Variants in C12orf56 observed in about 807,000 individuals in gnomAD.
C12orf56 encodes the protein uncharacterized protein C12orf56.
A neutral mutation model predicts 69.9 loss-of-function variants in C12orf56; 71 were observed. The observed-to-expected ratio is 1.02, with a 90% CI of 0.84 to 1.24. C12orf56 has a LOEUF of 1.24. Ranked by LOEUF, C12orf56 falls within the 50% of genes most tolerant of loss-of-function variation. C12orf56 has a pLI of 0.00. For missense variants in C12orf56, 732 were observed against 738.5 expected (o/e 0.99, Z 0.10); for synonymous variants, 276 against 274.1 (o/e 1.01, Z -0.07).
At position 64,387,526 on chromosome 12, in the gene C12orf56, CAA is replaced by C. The variant is rs2039810641; in HGVS notation, c.252+2786_252+2787del. ...TTCTCACAGGTAAAAAAAAACAAAA[CAA>C]AAAAACAAGCCAGGCACAGTGGCTC... On this transcript the variant is annotated intron_variant, in intron 1 of 12. Coordinates refer to ENST00000543942, the MANE Select transcript of C12orf56 (RefSeq NM_001170633.2). Among the ~76,000 whole-genome samples the C allele has an allele frequency of 1.1e-4, 17 of 151,988 alleles. 1 individual carries two copies. The South Asian group carries it at 3.5e-3, about 32-fold the overall frequency.
At chr12:64,275,078 C>A in intron 10 of C12orf56, 103 bp from the exon 11 acceptor site, 1 of 1,152,362 alleles carries the variant, frequency 8.7e-7, no homozygotes. Flanking sequence ...TAATCGAATC[C>A]TTAAAATCAG....
At chr12:64,372,568 G>T (rs990568766) in intron 1 of C12orf56, among the ~76,000 whole-genome samples, 2 of 152,176 alleles carry the variant, frequency 1.3e-5, no homozygotes, top group Non-Finnish European at 2.9e-5. Context: ...AGGCTGGAGT[G>T]CAATGGCACG....
intron 4 of C12orf56, among the ~76,000 whole-genome samples, chr12:64,314,740 T>C (rs1352124294): frequency 6.6e-6 from 1 of 151,758 alleles, no homozygotes; most frequent in Non-Finnish European, 1.5e-5. Context: ...GTTCAAGCGA[T>C]TCTCCTGCCT....
At chr12:64,305,917 T>A (rs2038505924) in intron 5 of C12orf56, among the ~76,000 whole-genome samples, 1 of 152,220 alleles carries the variant, frequency 6.6e-6, no homozygotes. Context: ...AAAGCTCAGA[T>A]AAGATACAAT....
At chr12:64,362,245 T>C (rs1439074325) in intron 1 of C12orf56, among the ~76,000 whole-genome samples, 1 of 152,090 alleles carries the variant, frequency 6.6e-6, no homozygotes, top group Non-Finnish European at 1.5e-5. Flanking sequence ...TCATAAATTA[T>C]AGTATTTTGT....
At chr12:64,368,358 A>G (rs937856995) in intron 1 of C12orf56, among the ~76,000 whole-genome samples, 5 of 151,936 alleles carry the variant, frequency 3.3e-5, no homozygotes, top group Admixed American at 2.6e-4. Flanking sequence ...TACTGCATTG[A>G]CCCATTCTGC....
At chr12:64,287,220 G>C (rs552571033) in intron 6 of C12orf56, among the ~76,000 whole-genome samples, 2 of 135,354 alleles carry the variant, frequency 1.5e-5, no homozygotes, top group African/African-American at 2.9e-5. Context: ...CTCCAGACTG[G>C]GCAAGAGTGA....
chr12:64,322,763 C>T (rs577425934), intron 3 of C12orf56, among the ~76,000 whole-genome samples: 1 of 152,324 alleles, frequency 6.6e-6, no homozygotes, highest in South Asian at 2.1e-4. Flanking sequence ...TAGTCCTCTA[C>T]TTAGTGTTTT....
At chr12:64,320,157 A>T (rs2038752692) in intron 3 of C12orf56, among the ~76,000 whole-genome samples, 1 of 152,232 alleles carries the variant, frequency 6.6e-6, no homozygotes, top group Admixed American at 6.5e-5. Context: ...TTACTGGGTT[A>T]CGCGGTTCTC....
intron 5 of C12orf56, among the ~76,000 whole-genome samples, chr12:64,310,019 TAA>T (rs2038584748): frequency 1.7e-4 from 25 of 149,442 alleles, no homozygotes; most frequent in Middle Eastern, 3.4e-3. Flanking sequence ...CTTTTTTTTT[TAA>T]ATCTCTTTTT....
intron 12 of C12orf56, among the ~76,000 whole-genome samples, chr12:64,267,855 C>T (rs1353246812): frequency 1.3e-5 from 2 of 152,108 alleles, no homozygotes; most frequent in African/African-American, 4.8e-5. Context: ...AGAATTTCTA[C>T]GTGTGACACC....
chr12:64,387,173 G>C (rs1334656662), intron 1 of C12orf56, among the ~76,000 whole-genome samples: 1 of 139,316 alleles, frequency 7.2e-6, no homozygotes, highest in Non-Finnish European at 1.5e-5. Flanking sequence ...AAGGACAAAT[G>C]ATTAGCAACT....
At chr12:64,366,908 T>A (rs1220342187) in intron 1 of C12orf56, among the ~76,000 whole-genome samples, 66 of 125,536 alleles carry the variant, frequency 5.3e-4, no homozygotes, top group East Asian at 1.6e-3. Context: ...GTTTATATAT[T>A]ATATATAACA....
intron 1 of C12orf56, among the ~76,000 whole-genome samples, chr12:64,368,688 G>A (rs1312155063): frequency 1.3e-5 from 2 of 152,082 alleles, no homozygotes; most frequent in African/African-American, 4.8e-5. Context: ...CTATTATTAA[G>A]TACATCATCG....
chr12:64,316,445 G>A (rs1158998579), intron 4 of C12orf56, among the ~76,000 whole-genome samples: 3 of 152,106 alleles, frequency 2.0e-5, no homozygotes, highest in East Asian at 1.9e-4. Flanking sequence ...CCAGGATGGA[G>A]TGCAGTAGTG....
intron 1 of C12orf56, among the ~76,000 whole-genome samples, chr12:64,383,722 A>G (rs2039752168): frequency 6.6e-6 from 1 of 151,908 alleles, no homozygotes; most frequent in Admixed American, 6.6e-5. Context: ...GTGCTGATAC[A>G]ATGTAAAAAA....
At chr12:64,317,575 C>G (rs1286950234) in intron 4 of C12orf56, among the ~76,000 whole-genome samples, 1 of 152,086 alleles carries the variant, frequency 6.6e-6, no homozygotes, top group Non-Finnish European at 1.5e-5. Flanking sequence ...GCCTGCCCAA[C>G]ATGGCAAAAC....
At chr12:64,390,076 G>A (rs1435934059) in intron 1 of C12orf56, among the ~76,000 whole-genome samples, 1 of 152,130 alleles carries the variant, frequency 6.6e-6, no homozygotes. Context: ...CCCTACGTGG[G>A]GTAGGGGAGG....
intron 8 of C12orf56, among the ~76,000 whole-genome samples, chr12:64,282,646 T>C (rs61028214): frequency 0.019 from 2,852 of 151,602 alleles, 89 homozygotes; most frequent in African/African-American, 0.065. Flanking sequence ...CATGATGGCA[T>C]GTACCTGTGG....
Sources: allele counts gnomAD v4.1 joint callset (sites outside exome capture counted in the v4.1 genomes callset), GRCh38; gene constraint gnomAD v4.1.1; transcripts MANE v1.5; gene names NCBI Gene and HGNC (gene_info 2026-07-23, HGNC 2026-07-21).